LDB2: variants seen among roughly 807,000 people sequenced by gnomAD.
The protein encoded by LDB2 is LIM domain binding 2.
A neutral mutation model predicts 44.3 loss-of-function variants in LDB2; 12 were observed. The observed-to-expected ratio is 0.27, with a 90% CI of 0.17 to 0.44. The LOEUF is 0.44. Among genes scored for constraint, LDB2 ranks in the 20% least tolerant of loss-of-function variants. The pLI, the probability that LDB2 is intolerant of heterozygous loss-of-function variation, is 1.00. For synonymous variants in LDB2, 164 were observed against 174.8 expected (o/e 0.94, Z 0.49); for missense variants, 344 against 473.5 (o/e 0.73, Z 2.54).
rs149708063 is a variant in LDB2, at chr4:16,580,758, A to G, written c.615+5164T>C. Among the ~76,000 whole-genome samples the G allele has an allele frequency of 4.2e-3, 639 of 152,296 alleles. 6 individuals carry two copies. Among genetic ancestry groups the G allele is most frequent in the African/African-American group, 0.015 (605 of 41,566 alleles). ...CTCTATTGTTACAGGAGATAAATGAACATGAAAATGGCACATTTTACTCAA... is the reference window on the plus strand; with the variant it reads ...CTCTATTGTTACAGGAGATAAATGAGCATGAAAATGGCACATTTTACTCAA... On this transcript the variant is annotated intron_variant, in intron 5 of 7. Transcript: ENST00000304523.
At chr4:16,673,797 C>G (rs990050274) in intron 2 of LDB2, among the ~76,000 whole-genome samples, 1 of 152,178 alleles carries the variant, frequency 6.6e-6, no homozygotes, top group Non-Finnish European at 1.5e-5. Context: ...AAAAACTATC[C>G]AGTCCAGAAT....
rs1331036465 is a variant in LDB2, at chr4:16,557,509, G to A, written c.615+28413C>T. On this transcript the variant is annotated intron_variant, in intron 5 of 7. Coordinates refer to ENST00000304523, the MANE Select transcript of LDB2 (RefSeq NM_001290.5). The stretch of plus-strand genomic sequence containing the variant: ...CAAGGCGGCGGCAGCGAGGCTGGGG[G>A]AGGGGCGCCTGCCATTGCCCAGGCT... Among the ~76,000 whole-genome samples, 4 of 152,366 alleles carry A rather than the reference G, an allele frequency of 2.6e-5. No individual in the cohort carries two copies. The East Asian group carries it at 5.8e-4, about 22-fold the overall frequency.
At chr4:16,552,513 T>C (rs1186504302) in intron 5 of LDB2, among the ~76,000 whole-genome samples, 1 of 152,174 alleles carries the variant, frequency 6.6e-6, no homozygotes, top group African/African-American at 2.4e-5. Context: ...AAGGCTACCA[T>C]AGGACTGAAC....
chr4:16,869,839 A>G lies in LDB2; in HGVS notation c.132+28515T>C, dbSNP rs560750409. On this transcript the variant is annotated intron_variant, in intron 1 of 7. Coordinates refer to ENST00000304523, the MANE Select transcript of LDB2 (RefSeq NM_001290.5). ...CTTCCATCTTAAGTATTTGAGGAAC[A>G]TCCTGCTGTTTTAGGTTGCAAATTT... is the stretch of plus-strand genomic sequence containing the variant. Among the ~76,000 whole-genome samples the G allele has an allele frequency of 1.6e-4, 24 of 152,324 alleles. No individual in the cohort carries two copies. The East Asian group carries it at 3.9e-3, about 24-fold the overall frequency.
rs151069990 is a variant in LDB2 at position 16,582,952 on chromosome 4, CTTG to C, written c.615+2967_615+2969del. Among the ~76,000 whole-genome samples, 2,490 of 152,276 alleles carry C rather than the reference CTTG, an allele frequency of 0.016. 75 individuals carry two copies. Among genetic ancestry groups the C allele is most frequent in the African/African-American group, 0.057 (2,354 of 41,550 alleles). On this transcript the variant is annotated intron_variant, in intron 5 of 7. Coordinates refer to ENST00000304523, the MANE Select transcript of LDB2 (RefSeq NM_001290.5). This position sits in a 1 kb window ranked among gnomAD's most constrained non-coding sequence, Gnocchi z 4.8. ...CCCAAATCAAATGACAATAGTTGTTCTTGTTGTTGCTTCAAAAGCACCAGGTCA... is the reference window on the plus strand; with the variant it reads ...CCCAAATCAAATGACAATAGTTGTTCTTGTTGCTTCAAAAGCACCAGGTCA...
At chr4:16,850,385 T>C (rs1561436945) in intron 1 of LDB2, among the ~76,000 whole-genome samples, 1 of 152,180 alleles carries the variant, frequency 6.6e-6, no homozygotes, top group Non-Finnish European at 1.5e-5. Context: ...AAAAATTTGA[T>C]GGTTATATCT....
At chr4:16,703,403 C>T (rs1391692811) in intron 2 of LDB2, among the ~76,000 whole-genome samples, 1 of 152,136 alleles carries the variant, frequency 6.6e-6, no homozygotes, top group Non-Finnish European at 1.5e-5. Context: ...AGAGAGCTTC[C>T]TGGGGGAGAA....
intron 2 of LDB2, among the ~76,000 whole-genome samples, chr4:16,672,989 C>T (rs1226740770): frequency 6.6e-6 from 1 of 151,482 alleles, no homozygotes. Flanking sequence ...TTCCTTCTTT[C>T]CCTTCCTTTC....
intron 2 of LDB2, among the ~76,000 whole-genome samples, chr4:16,695,327 T>A (rs1751857963): frequency 6.6e-6 from 1 of 152,022 alleles, no homozygotes; most frequent in Admixed American, 6.5e-5. Context: ...GGTCAGGAGT[T>A]CGAGACCAGC....
At chr4:16,737,467 C>T (rs1428656657) in intron 2 of LDB2, among the ~76,000 whole-genome samples, 1 of 151,786 alleles carries the variant, frequency 6.6e-6, no homozygotes, top group East Asian at 1.9e-4. Context: ...AAAGAAAATT[C>T]GATGTGTACA....
At chr4:16,849,082 GC>G (rs1323539047) in intron 1 of LDB2, among the ~76,000 whole-genome samples, 1 of 152,030 alleles carries the variant, frequency 6.6e-6, no homozygotes, top group Admixed American at 6.6e-5. Context: ...AAAAAATCTG[GC>G]CCCCACTATG....
At chr4:16,867,248 G>A (rs529426786) in intron 1 of LDB2, among the ~76,000 whole-genome samples, 9 of 152,244 alleles carry the variant, frequency 5.9e-5, no homozygotes, top group East Asian at 3.9e-4. Flanking sequence ...CTAACCTGCG[G>A]AGCCCTGCCC....
intron 2 of LDB2, among the ~76,000 whole-genome samples, chr4:16,662,285 C>A (rs547089563): frequency 5.9e-5 from 9 of 152,160 alleles, no homozygotes; most frequent in African/African-American, 1.2e-4. Flanking sequence ...TTGCTCCAAA[C>A]CCAACACAGA....
chr4:16,875,919 C>A (rs1365993004), intron 1 of LDB2, among the ~76,000 whole-genome samples: 1 of 152,154 alleles, frequency 6.6e-6, no homozygotes, highest in Admixed American at 6.5e-5. Flanking sequence ...TCTTAGAACC[C>A]TGGATAGCAG....
intron 1 of LDB2, among the ~76,000 whole-genome samples, chr4:16,782,652 A>T (rs1308502828): frequency 2.6e-5 from 4 of 152,216 alleles, no homozygotes; most frequent in African/African-American, 9.6e-5. Flanking sequence ...GCCCAGCAAA[A>T]TAAATACTTC....
rs577323532 is a variant in LDB2 at position 16,796,217 on chromosome 4, G to A, written c.133-36957C>T. On this transcript the variant is annotated intron_variant, in intron 1 of 7. Transcript: ENST00000304523. ...GGAGGATTCCTTGGGCCAAGAAGAC[G>A]AAGGTTGCAGTGAGCCAAGATCGTG... Among the ~76,000 whole-genome samples, 233 of 152,246 alleles carry A rather than the reference G, an allele frequency of 1.5e-3. 1 individual carries two copies. Among genetic ancestry groups the A allele is most frequent in the African/African-American group, 5.2e-3 (214 of 41,524 alleles).
chr4:16,754,490 A>G lies in LDB2; in HGVS notation c.235+4668T>C, dbSNP rs113111517. Among the ~76,000 whole-genome samples, 201 of 151,004 alleles carry G rather than the reference A, an allele frequency of 1.3e-3. 1 individual carries two copies. Among genetic ancestry groups the G allele is most frequent in the African/African-American group, 4.7e-3 (193 of 41,102 alleles). ...TGGTCCTCAGCTCTTTGATTATAAC[A>G]TCTCATTTAATTTTCACAAGCCAGT... On this transcript the variant is annotated intron_variant, in intron 2 of 7. Coordinates refer to ENST00000304523, the MANE Select transcript of LDB2 (RefSeq NM_001290.5).
At chr4:16,539,502 G>T (rs551390722) in intron 5 of LDB2, among the ~76,000 whole-genome samples, 1 of 152,216 alleles carries the variant, frequency 6.6e-6, no homozygotes, top group African/African-American at 2.4e-5. Flanking sequence ...GATGATAGTG[G>T]TGATAATGAT....
intron 1 of LDB2, among the ~76,000 whole-genome samples, chr4:16,761,710 C>A (rs958557858): frequency 8.5e-5 from 13 of 152,150 alleles, no homozygotes; most frequent in Non-Finnish European, 1.5e-4. Flanking sequence ...TCAATAAAAT[C>A]TTCAGGAGAT....
Sources: gnomAD v4.1 joint callset for allele counts (sites outside exome capture counted in the v4.1 genomes callset) on GRCh38, gnomAD v4.1.1 for gene constraint, Gnocchi (gnomAD v3.1) non-coding constraint, MANE v1.5 for transcripts, NCBI Gene and HGNC (gene_info 2026-07-23, HGNC 2026-07-21) for gene names.